UPF1: variants seen among roughly 807,000 people sequenced by gnomAD.
UPF1 encodes the protein UPF1 RNA helicase and ATPase.
UPF1 carries 9 observed loss-of-function variants against 129.2 expected under a neutral mutation model. The ratio of observed to expected loss-of-function variants is 0.07; its 90% CI spans 0.04 to 0.12. The LOEUF is 0.12. Among genes scored for constraint, UPF1 ranks in the 10% least tolerant of loss-of-function variants. The pLI, the probability that UPF1 is intolerant of heterozygous loss-of-function variation, is 1.00. For missense variants in UPF1, 788 were observed against 1,525.3 expected, an observed-to-expected ratio of 0.52 and a Z score of 8.05; for synonymous variants, 649 against 644.9, an observed-to-expected ratio of 1.01 and a Z score of -0.10.
At chr19:18,860,064 C>A (rs771515544) in intron 15 of UPF1, 4 of 462,794 alleles carry the variant, frequency 8.6e-6, no homozygotes, top group African/African-American at 6.0e-5. Flanking sequence ...CTGGCTGAGA[C>A]CCTGTTCCCT....
intron 19 of UPF1, 134 bp downstream of exon 19, chr19:18,863,746 G>GGGAGGGTGGGCTCTCCTAGT: frequency 7.9e-7 from 1 of 1,270,258 alleles, no homozygotes; most frequent in Non-Finnish European, 1.1e-6. Context: ...GCTCTCCTAG[G>GGGAGGGTGGGCTCTCCTAGT]GGAGGGTGGG....
intron 1 of UPF1, among the ~76,000 whole-genome samples, chr19:18,839,154 C>T (rs771588359): frequency 2.0e-5 from 3 of 152,080 alleles, no homozygotes; most frequent in African/African-American, 2.4e-5. Flanking sequence ...TGCAGTGGCG[C>T]GATCTTGGCT....
At chr19:18,833,980 G>GT (rs1034936103) in intron 1 of UPF1, among the ~76,000 whole-genome samples, 2 of 152,128 alleles carry the variant, frequency 1.3e-5, no homozygotes, top group Admixed American at 6.5e-5. Flanking sequence ...ACGTATGGGT[G>GT]TTTTTTTCAG....
In UPF1 at chr19:18,865,201, C is replaced by T; in HGVS notation, c.2858-88C>T. On this transcript the variant is annotated intron_variant, in intron 20 of 23. Transcript: ENST00000262803. This position sits in a 1 kb window ranked among gnomAD's most constrained non-coding sequence, Gnocchi z 6.1. ...GCAGAGCCAGGACAGATGTGCAGCT[C>T]CGGCTGACTGGCTGGTGGGGTGGGT... 1 of 1,467,408 alleles carries T rather than the reference C, an allele frequency of 6.8e-7. No individual in the cohort carries two copies. Among genetic ancestry groups the T allele is most frequent in the Non-Finnish European group, 9.2e-7 (1 of 1,088,000 alleles). The allele number at this position is 1,467,408 out of a possible 1,614,324, so 90.9% of individuals were successfully genotyped here. A position where few individuals can be genotyped will look rare whatever the true frequency, so the allele number is the denominator to read the frequency against.
intron 17 of UPF1, among the ~76,000 whole-genome samples, 163 bp from the exon 18 acceptor site, chr19:18,861,847 G>T (rs1042939853): frequency 6.6e-6 from 1 of 152,128 alleles, no homozygotes; most frequent in Non-Finnish European, 1.5e-5. Context: ...AAAACAAAAC[G>T]AAATGGCAGC....
chr19:18,859,187 G>C (rs1018157212), intron 15 of UPF1, among the ~76,000 whole-genome samples: 4 of 152,336 alleles, frequency 2.6e-5, no homozygotes, highest in African/African-American at 9.6e-5. Context: ...GCTGGGAAAG[G>C]CGTGGCTCGG....
intron 1 of UPF1, among the ~76,000 whole-genome samples, chr19:18,841,743 G>T (rs949417609): frequency 6.6e-6 from 1 of 152,108 alleles, no homozygotes; most frequent in African/African-American, 2.4e-5. Flanking sequence ...CCCCGGGCTG[G>T]GAAGGCAGGG....
At chr19:18,866,362 C>T (rs556915699) in intron 23 of UPF1, among the ~76,000 whole-genome samples, 159 bp from the exon 24 acceptor site, 45 of 152,280 alleles carry the variant, frequency 3.0e-4, no homozygotes, top group African/African-American at 9.9e-4. Flanking sequence ...CCCCACCCTA[C>T]CCCATCCTGT....
rs1002255263 is a variant in UPF1 at position 18,866,840 on chromosome 19, C to T, written c.*323C>T. The stretch of plus-strand genomic sequence containing the variant: ...CCTCATCTCAGAGTAGCCCTTTCCT[C>T]TGTTCTTTTATTTCTTTTTCTCTTT... On this transcript the variant is annotated 3_prime_UTR_variant, in exon 24 of 24. Coordinates refer to ENST00000262803, the MANE Select transcript of UPF1 (RefSeq NM_002911.4). 2.1e-4 allele frequency: 32 copies of T among 152,710 alleles called. No individual in the cohort carries two copies. The highest frequency in any genetic ancestry group is 3.7e-4 in the Non-Finnish European group (25 of 68,030). 9.5% of individuals were successfully genotyped at this position (152,710 alleles called of 1,614,324 possible).
chr19:18,841,896 C>T (rs1040947212), intron 1 of UPF1, among the ~76,000 whole-genome samples: 3 of 152,198 alleles, frequency 2.0e-5, no homozygotes, highest in Non-Finnish European at 4.4e-5. Context: ...GAGGCCCTTT[C>T]TCTTTGGGAA....
At chr19:18,859,195 C>T (rs12460303) in intron 15 of UPF1, among the ~76,000 whole-genome samples, 3 of 152,212 alleles carry the variant, frequency 2.0e-5, no homozygotes, top group Non-Finnish European at 4.4e-5. Context: ...AGGCGTGGCT[C>T]GGCGCAGGCT....
intron 17 of UPF1, among the ~76,000 whole-genome samples, chr19:18,861,662 G>A (rs544121778): frequency 1.3e-5 from 2 of 151,928 alleles, no homozygotes; most frequent in South Asian, 4.1e-4. Flanking sequence ...GGGAGACCCT[G>A]CCTCCACCAA....
At chr19:18,834,801 C>T (rs1234875724) in intron 1 of UPF1, among the ~76,000 whole-genome samples, 2 of 152,182 alleles carry the variant, frequency 1.3e-5, no homozygotes, top group Non-Finnish European at 2.9e-5. Flanking sequence ...CCTGTTTGTC[C>T]TCAGGAGTTG....
chr19:18,844,476 A>G (rs1601102253), intron 1 of UPF1, among the ~76,000 whole-genome samples: 1 of 145,970 alleles, frequency 6.9e-6, no homozygotes, highest in African/African-American at 2.5e-5. Context: ...GGCACGTGCC[A>G]CCACGTCCAG....
chr19:18,833,755 T>C (rs879641282), intron 1 of UPF1, among the ~76,000 whole-genome samples: 23 of 152,144 alleles, frequency 1.5e-4, no homozygotes, highest in Non-Finnish European at 2.2e-4. Context: ...ATGCTGGTGT[T>C]TCAGAACTGG....
chr19:18,833,412 A>G (rs1194488489), intron 1 of UPF1: 1 of 152,208 alleles, frequency 6.6e-6, no homozygotes. Flanking sequence ...ATGGCTTTAC[A>G]TAAACGAGTC....
chr19:18,835,198 T>G (rs2055470863), intron 1 of UPF1, among the ~76,000 whole-genome samples: 1 of 152,158 alleles, frequency 6.6e-6, no homozygotes, highest in Admixed American at 6.5e-5. Flanking sequence ...ATATCATATA[T>G]GGTGTTTTGT....
Position 18,853,213 on chromosome 19 carries a change from G to C in UPF1, c.1058-39G>C. 6.2e-7 allele frequency: 1 copy of C among 1,601,048 alleles called. No homozygotes were observed. The highest frequency in any genetic ancestry group is 8.5e-7 in the Non-Finnish European group (1 of 1,171,688). On this transcript the variant is annotated intron_variant, in intron 7 of 23. Coordinates refer to ENST00000262803, the MANE Select transcript of UPF1 (RefSeq NM_002911.4). The surrounding 1 kb of genome is among the most constrained non-coding windows in gnomAD (Gnocchi z 4.4). Reference sequence around the variant, plus strand: ...CTCTCCCTGGTGGAAGCGACGGCGTGGGTTAAAATGGCCACCTCTCTCACT... The same window carrying C: ...CTCTCCCTGGTGGAAGCGACGGCGTCGGTTAAAATGGCCACCTCTCTCACT...
rs1256675595 is a variant in UPF1, at chr19:18,853,135, A to G, written c.1057+64A>G. 1.2e-6 allele frequency: 2 copies of G among 1,606,546 alleles called. No homozygotes were observed. The highest frequency in any genetic ancestry group is 1.3e-5 in the African/African-American group (1 of 74,806). ...TTTAAGTTTTAAAATATTTGTGACC[A>G]TAAGTAGCATAAATTCCTAGTTCCA... On this transcript the variant is annotated intron_variant, in intron 7 of 23. Coordinates refer to ENST00000262803, the MANE Select transcript of UPF1 (RefSeq NM_002911.4). This position sits in a 1 kb window ranked among gnomAD's most constrained non-coding sequence, Gnocchi z 4.4.
Sources: allele counts gnomAD v4.1 joint callset (sites outside exome capture counted in the v4.1 genomes callset), GRCh38; gene constraint gnomAD v4.1.1; non-coding constraint Gnocchi (gnomAD v3.1); transcripts MANE v1.5; gene names NCBI Gene and HGNC (gene_info 2026-07-23, HGNC 2026-07-21).